The following SGCZ variants were observed in gnomAD, a reference collection of about 807,000 sequenced individuals.
SGCZ encodes the protein sarcoglycan zeta, also known as zeta-sarcoglycan.
In SGCZ, 40 loss-of-function variants were observed where a neutral mutation model predicts 41.3. The ratio of observed to expected loss-of-function variants is 0.97; its 90% CI spans 0.75 to 1.26. The LOEUF (loss-of-function observed/expected upper bound fraction) is 1.26. Among genes scored for constraint, SGCZ ranks in the 50% most tolerant of loss-of-function variants. The pLI is 0.00. For missense variants in SGCZ, 552 were observed against 369.8 expected, an observed-to-expected ratio of 1.49 and a Z score of -4.04; for synonymous variants, 206 against 137.5, an observed-to-expected ratio of 1.50 and a Z score of -3.49.
At chr8:14,283,014 T>A (rs1331423834) in intron 3 of SGCZ, among the ~76,000 whole-genome samples, 29 of 150,950 alleles carry the variant, frequency 1.9e-4, no homozygotes, top group African/African-American at 7.1e-4. Context: ...CACGCCCGGC[T>A]AATTTTTTGT....
At chr8:14,814,937 G>C (rs768870808) in intron 1 of SGCZ, among the ~76,000 whole-genome samples, 2 of 152,008 alleles carry the variant, frequency 1.3e-5, no homozygotes, top group Non-Finnish European at 2.9e-5. Flanking sequence ...TGCTGTTTCT[G>C]TAATAGGACA....
Position 14,358,344 on chromosome 8 carries a change from G to A in SGCZ, c.235-34140C>T, listed in dbSNP as rs112997789. Among the ~76,000 whole-genome samples, 11 of 152,162 alleles carry A rather than the reference G, an allele frequency of 7.2e-5. 2 individuals carry two copies. The highest frequency in any genetic ancestry group is 2.7e-4 in the African/African-American group (11 of 41,508). On this transcript the variant is annotated intron_variant, in intron 2 of 7. Coordinates refer to ENST00000382080, the MANE Select transcript of SGCZ (RefSeq NM_139167.4). ...TTTTTTCCATATTGCACAACTAAGT[G>A]GCAAATGTAAGGATACAACCTATGT... is the stretch of plus-strand genomic sequence containing the variant.
At chr8:14,275,300 C>T (rs778641478) in intron 3 of SGCZ, among the ~76,000 whole-genome samples, 127 of 152,232 alleles carry the variant, frequency 8.3e-4, no homozygotes, top group Non-Finnish European at 1.6e-3. Flanking sequence ...TGACTTCTTC[C>T]CTATCCCTTT....
At chr8:14,366,505 G>T (rs1425840462) in intron 2 of SGCZ, among the ~76,000 whole-genome samples, 4 of 151,966 alleles carry the variant, frequency 2.6e-5, no homozygotes, top group Admixed American at 6.6e-5. Flanking sequence ...TTTGGTGGGG[G>T]GGACACAAAG....
At chr8:14,589,374 A>T (rs1036413241) in intron 1 of SGCZ, among the ~76,000 whole-genome samples, 1 of 151,812 alleles carries the variant, frequency 6.6e-6, no homozygotes, top group East Asian at 1.9e-4. Context: ...AGAAATTTTA[A>T]TATATAACCT....
At chr8:15,047,222 A>G (rs1050388811) in intron 1 of SGCZ, among the ~76,000 whole-genome samples, 6 of 152,060 alleles carry the variant, frequency 3.9e-5, no homozygotes, top group Non-Finnish European at 5.9e-5. Flanking sequence ...TTCAAAACAA[A>G]CTGTCTCTTT....
chr8:15,090,246 G>C (rs1806107850), intron 1 of SGCZ, among the ~76,000 whole-genome samples: 1 of 152,162 alleles, frequency 6.6e-6, no homozygotes. Context: ...AAAGTTTTAA[G>C]ACATGTAGTA....
At chr8:14,806,393 G>A (rs1801530337) in intron 1 of SGCZ, among the ~76,000 whole-genome samples, 1 of 150,622 alleles carries the variant, frequency 6.6e-6, no homozygotes, top group African/African-American at 2.5e-5. Flanking sequence ...AAATGATAAA[G>A]GGGATATCAC....
intron 1 of SGCZ, among the ~76,000 whole-genome samples, chr8:14,800,947 A>T (rs1801302050): frequency 6.6e-6 from 1 of 152,194 alleles, no homozygotes; most frequent in Admixed American, 6.5e-5. Flanking sequence ...TCTTCTGCAC[A>T]TGTTAGTATT....
chr8:14,734,812 C>T (rs966235387), intron 1 of SGCZ, among the ~76,000 whole-genome samples: 18 of 149,724 alleles, frequency 1.2e-4, no homozygotes, highest in African/African-American at 4.2e-4. Flanking sequence ...TTCACTGTTA[C>T]AATAAAAATT....
chr8:14,890,312 A>G (rs1208189006), intron 1 of SGCZ, among the ~76,000 whole-genome samples: 1 of 152,176 alleles, frequency 6.6e-6, no homozygotes, highest in Non-Finnish European at 1.5e-5. Context: ...AAAGAAAAGA[A>G]AAAGTTCTTG....
chr8:14,478,763 A>C (rs62499726), intron 2 of SGCZ, among the ~76,000 whole-genome samples: 14,712 of 152,200 alleles, frequency 0.097, 2,137 homozygotes, highest in African/African-American at 0.31. Context: ...TCCATTCACT[A>C]TCACGCTTTT....
At chr8:14,263,935 C>G (rs552300342) in intron 3 of SGCZ, among the ~76,000 whole-genome samples, 1 of 152,298 alleles carries the variant, frequency 6.6e-6, no homozygotes, top group African/African-American at 2.4e-5. Flanking sequence ...AGGGTGAAAC[C>G]CAGCATGAAG....
intron 1 of SGCZ, among the ~76,000 whole-genome samples, chr8:14,962,478 A>T (rs1365197191): frequency 6.6e-6 from 1 of 152,140 alleles, no homozygotes; most frequent in Admixed American, 6.6e-5. Flanking sequence ...GATACAATAA[A>T]TGTCATAGAA....
intron 7 of SGCZ, among the ~76,000 whole-genome samples, chr8:14,099,172 G>T (rs933520168): frequency 6.6e-6 from 1 of 152,136 alleles, no homozygotes; most frequent in Non-Finnish European, 1.5e-5. Flanking sequence ...CACCTACCTA[G>T]ATTTGTGCAG....
intron 2 of SGCZ, among the ~76,000 whole-genome samples, chr8:14,486,382 C>A (rs1345619828): frequency 6.6e-6 from 1 of 152,198 alleles, no homozygotes; most frequent in Non-Finnish European, 1.5e-5. Flanking sequence ...GATCCCTCAA[C>A]TACTCACTGT....
chr8:14,965,017 G>C (rs778521470), intron 1 of SGCZ, among the ~76,000 whole-genome samples: 5 of 152,086 alleles, frequency 3.3e-5, no homozygotes, highest in Non-Finnish European at 7.4e-5. Context: ...CCCAGGAGGA[G>C]ACTCATTTGT....
intron 1 of SGCZ, among the ~76,000 whole-genome samples, chr8:15,005,977 A>G (rs1202863759): frequency 6.6e-6 from 1 of 152,182 alleles, no homozygotes; most frequent in Non-Finnish European, 1.5e-5. Context: ...TACTTTTTTG[A>G]TAATGAATCA....
intron 2 of SGCZ, among the ~76,000 whole-genome samples, chr8:14,499,101 A>G (rs1470813109): frequency 2.6e-5 from 4 of 151,836 alleles, no homozygotes; most frequent in African/African-American, 9.7e-5. Flanking sequence ...TTGATCATTC[A>G]TATCTTCTGT....
Sources: gnomAD v4.1 joint callset for allele counts (sites outside exome capture counted in the v4.1 genomes callset) on GRCh38, gnomAD v4.1.1 for gene constraint, MANE v1.5 for transcripts, NCBI Gene and HGNC (gene_info 2026-07-23, HGNC 2026-07-21) for gene names.